The following BLVRB variants were observed in gnomAD, a reference collection of about 807,000 sequenced individuals.
The protein encoded by BLVRB is flavin reductase (NADPH).
Under a neutral mutation model 21.1 loss-of-function variants are expected in BLVRB, and 25 were observed. The ratio of observed to expected loss-of-function variants is 1.19; its 90% CI spans 0.86 to 1.66. The LOEUF (loss-of-function observed/expected upper bound fraction) is 1.66. Ranked by LOEUF, BLVRB falls within the 40% of genes most tolerant of loss-of-function variation. The pLI is 0.00. For missense variants in BLVRB, 274 were observed against 282.7 expected, an observed-to-expected ratio of 0.97 and a Z score of 0.22; for synonymous variants, 128 against 122.2, an observed-to-expected ratio of 1.05 and a Z score of -0.31.
intron 1 of BLVRB, among the ~76,000 whole-genome samples, chr19:40,461,854 G>A (rs2079789098): frequency 6.6e-6 from 1 of 152,034 alleles, no homozygotes; most frequent in Non-Finnish European, 1.5e-5. Flanking sequence ...CTGCCTCCTG[G>A]ACTTTGCACG....
rs949506555 is a variant in BLVRB, at chr19:40,458,485, G to A, written c.140C>T (p.Pro47Leu). 2.5e-6 allele frequency: 4 copies of A among 1,610,028 alleles called. No homozygotes were observed. Among genetic ancestry groups the A allele is most frequent in the Middle Eastern group, 1.6e-4 (1 of 6,080 alleles). ...AACATCTCCCACTACCACGTGGGCC[G>A]GCCGGGGCCCCTCTGATGGCAGCCT... ...SSRLPSEGPR[P>L]AHVVVGDVLQ... The change falls in exon 2 of 5, where the codon CCG (proline) becomes CTG (leucine). Residue 47 changes from proline (P) to leucine (L), a missense_variant. Coordinates refer to ENST00000263368, the MANE Select transcript of BLVRB (RefSeq NM_000713.3).
chr19:40,454,393 T>C (rs1040657322), intron 3 of BLVRB, among the ~76,000 whole-genome samples: 7 of 152,082 alleles, frequency 4.6e-5, no homozygotes, highest in Non-Finnish European at 1.0e-4. Context: ...CCTCCTAAAG[T>C]GCTGGGATTA....
intron 1 of BLVRB, among the ~76,000 whole-genome samples, 188 bp from the exon 2 acceptor site, chr19:40,458,733 G>T: frequency 6.6e-6 from 1 of 152,002 alleles, no homozygotes; most frequent in Non-Finnish European, 1.5e-5. Flanking sequence ...TTGCTCACTT[G>T]CCCAGGCTGC....
chr19:40,456,088 T>G (rs2079761068), intron 3 of BLVRB, among the ~76,000 whole-genome samples: 1 of 152,178 alleles, frequency 6.6e-6, no homozygotes, highest in Admixed American at 6.6e-5. Flanking sequence ...GTTTAAAAAT[T>G]TTTATAATAA....
chr19:40,463,941 G>A (rs536484564), intron 1 of BLVRB, among the ~76,000 whole-genome samples: 18 of 151,878 alleles, frequency 1.2e-4, no homozygotes, highest in East Asian at 5.8e-4. Context: ...CTAATTTTTC[G>A]TATTTTTAGT....
At chr19:40,451,166 C>T (rs1398639026) in intron 4 of BLVRB, among the ~76,000 whole-genome samples, 198 bp downstream of exon 4, 1 of 152,200 alleles carries the variant, frequency 6.6e-6, no homozygotes, top group Non-Finnish European at 1.5e-5. Context: ...TAGAAAAAGA[C>T]ATTTACCATT....
In BLVRB at chr19:40,458,256, C is replaced by CAG; in HGVS notation, c.245-14_245-13dup. On this transcript the variant is annotated splice_polypyrimidine_tract_variant and intron_variant, in intron 2 of 4. Coordinates refer to ENST00000263368, the MANE Select transcript of BLVRB (RefSeq NM_000713.3). ...CACTGTCGTGGGACCTTAGAGGGGA[C>CAG]AGAGAGTGGCTGTCACTGGTGGGCG... The CAG allele has an allele frequency of 1.9e-6, 3 of 1,608,572 alleles. No homozygotes were observed. The highest frequency in any genetic ancestry group is 2.5e-6 in the Non-Finnish European group (3 of 1,176,852).
chr19:40,459,317 G>T (rs2079776160), intron 1 of BLVRB, among the ~76,000 whole-genome samples: 1 of 77,358 alleles, frequency 1.3e-5, no homozygotes, highest in African/African-American at 5.3e-5. Flanking sequence ...GACAAAGCGA[G>T]ACTCTATCTC....
In BLVRB at chr19:40,458,146, A is replaced by C. The variant is rs1599689248; in HGVS notation, c.334+9T>G. On this transcript the variant is annotated intron_variant, in intron 3 of 4. Transcript: ENST00000263368. ...AGTTCAGCCCCACCTCCATGATCCC[A>C]CCACCCACCCGAGGTGCAGGCCACG... The C allele has an allele frequency of 6.2e-7, 1 of 1,613,050 alleles. No homozygotes were observed. The highest frequency in any genetic ancestry group is 8.5e-7 in the Non-Finnish European group (1 of 1,179,422).
intron 1 of BLVRB, among the ~76,000 whole-genome samples, chr19:40,461,789 T>G (rs530139203): frequency 6.6e-6 from 1 of 152,150 alleles, no homozygotes; most frequent in Non-Finnish European, 1.5e-5. Context: ...CATGAGCCAC[T>G]GCACCCGGCC....
chr19:40,448,853 A>G (rs983745754), intron 4 of BLVRB, among the ~76,000 whole-genome samples: 2 of 151,872 alleles, frequency 1.3e-5, no homozygotes, highest in African/African-American at 4.8e-5. Context: ...GCACTTCGGG[A>G]GGCCAAGGTG....
intron 1 of BLVRB, among the ~76,000 whole-genome samples, chr19:40,465,096 C>G (rs1568742382): frequency 2.0e-5 from 3 of 152,114 alleles, no homozygotes; most frequent in Non-Finnish European, 2.9e-5. Context: ...AGCCTGGGGA[C>G]TTGTGGTGGT....
chr19:40,449,258 C>A (rs1312918264), intron 4 of BLVRB, among the ~76,000 whole-genome samples: 17 of 147,756 alleles, frequency 1.2e-4, no homozygotes, highest in Admixed American at 1.1e-3. Context: ...TTTTTTTTTT[C>A]TTTTTTGGAT....
At chr19:40,457,944 C>G (rs552249583) in intron 3 of BLVRB, 2 of 559,588 alleles carry the variant, frequency 3.6e-6, no homozygotes, top group East Asian at 5.6e-5. Context: ...CTGTTTACCA[C>G]CTCTCTCTGT....
At chr19:40,462,916 AAAATC>A (rs1438541815) in intron 1 of BLVRB, among the ~76,000 whole-genome samples, 1 of 151,408 alleles carries the variant, frequency 6.6e-6, no homozygotes, top group Non-Finnish European at 1.5e-5. Context: ...AAAAAAAAAA[AAAATC>A]AGCCATCAAT....
Position 40,452,382 on chromosome 19 carries a change from G to A in BLVRB, c.335-890C>T, listed in dbSNP as rs187042439. On this transcript the variant is annotated intron_variant, in intron 3 of 4. Transcript: ENST00000263368. ...GGCTGGAGGACAGTGGCGTGAACAC[G>A]GCTCACTGCAGCCTTGACTTTCTGG... is the stretch of plus-strand genomic sequence containing the variant. Among the ~76,000 whole-genome samples the A allele has an allele frequency of 6.3e-3, 965 of 152,146 alleles. 2 individuals carry two copies. Among genetic ancestry groups the A allele is most frequent in the Middle Eastern group, 0.021 (6 of 292 alleles).
At chr19:40,458,319 CG>C (rs1365559836) in intron 2 of BLVRB, 61 bp downstream of exon 2, 4 of 586,078 alleles carry the variant, frequency 6.8e-6, no homozygotes, top group Non-Finnish European at 9.4e-6. Flanking sequence ...GGGCCGGGGG[CG>C]GGGGTGGCGC....
intron 3 of BLVRB, chr19:40,457,892 G>T: frequency 2.1e-6 from 1 of 479,526 alleles, no homozygotes; most frequent in Non-Finnish European, 3.8e-6. Context: ...CCTGCCTCCC[G>T]ATCCCAGCTC....
At chr19:40,460,664 C>G (rs2079783294) in intron 1 of BLVRB, among the ~76,000 whole-genome samples, 1 of 151,700 alleles carries the variant, frequency 6.6e-6, no homozygotes, top group African/African-American at 2.4e-5. Context: ...TAGGCTACTA[C>G]CTGGCACAGA....
Sources: gnomAD v4.1 joint callset for allele counts (sites outside exome capture counted in the v4.1 genomes callset) on GRCh38, gnomAD v4.1.1 for gene constraint, MANE v1.5 for transcripts, NCBI Gene and HGNC (gene_info 2026-07-23, HGNC 2026-07-21) for gene names.